The following PDS5B variants were observed in gnomAD, a reference collection of about 807,000 sequenced individuals.
PDS5B encodes sister chromatid cohesion protein PDS5 homolog B.
PDS5B carries 51 observed loss-of-function variants against 184.1 expected under a neutral mutation model. The observed-to-expected ratio is 0.28, with a 90% CI of 0.22 to 0.35. PDS5B has a LOEUF of 0.35. Among genes scored for constraint, PDS5B ranks in the 10% least tolerant of loss-of-function variants. The pLI, the probability that PDS5B is intolerant of heterozygous loss-of-function variation, is 1.00. For synonymous variants in PDS5B, 566 were observed against 569.2 expected (o/e 0.99, Z 0.08); for missense variants, 1,180 against 1,723.3 (o/e 0.68, Z 5.58).
intron 3 of PDS5B, among the ~76,000 whole-genome samples, chr13:32,657,447 A>G (rs968722042): frequency 6.6e-6 from 1 of 152,140 alleles, no homozygotes; most frequent in Non-Finnish European, 1.5e-5. Context: ...CTTTGACCCT[A>G]TCAGTGTCGT....
At chr13:32,722,627 C>A (rs556065703) in intron 19 of PDS5B, among the ~76,000 whole-genome samples, 2 of 152,108 alleles carry the variant, frequency 1.3e-5, no homozygotes, top group Non-Finnish European at 2.9e-5. Context: ...CAGAATGTAT[C>A]CCTATTGTTA....
intron 1 of PDS5B, among the ~76,000 whole-genome samples, chr13:32,606,955 G>A (rs2058069369): frequency 6.6e-6 from 1 of 152,132 alleles, no homozygotes; most frequent in African/African-American, 2.4e-5. Flanking sequence ...ATTCTAGTTA[G>A]CCATTCGTCT....
At position 32,605,280 on chromosome 13, in the gene PDS5B, C is replaced by T. The variant is rs187262614; in HGVS notation, c.-20+18687C>T. On this transcript the variant is annotated intron_variant, in intron 1 of 34. Coordinates refer to ENST00000315596, the MANE Select transcript of PDS5B (RefSeq NM_015032.4). ...TTCTGGTATGTTGTGTCTTTGTTCT[C>T]ATTGGTTTCAGAGAATATCTTTATT... 2.3e-3 allele frequency among the ~76,000 whole-genome samples: 356 copies of T among 152,288 alleles called. 2 individuals are homozygous for T. The highest frequency in any genetic ancestry group is 4.5e-3 in the Non-Finnish European group (304 of 68,018).
chr13:32,596,450 C>G (rs1413913123), intron 1 of PDS5B, among the ~76,000 whole-genome samples: 1 of 152,118 alleles, frequency 6.6e-6, no homozygotes, highest in Non-Finnish European at 1.5e-5. Context: ...CAGTTTTTGA[C>G]TATTATGAAT....
At chr13:32,706,893 T>C in intron 17 of PDS5B, 41 bp from the exon 18 acceptor site, 1 of 1,212,206 alleles carries the variant, frequency 8.2e-7, no homozygotes, top group South Asian at 1.3e-5. Flanking sequence ...TAGACATTGC[T>C]AGTAACATTT....
Position 32,660,474 on chromosome 13 carries a change from C to G in PDS5B, c.624+1194C>G, listed in dbSNP as rs1395308644. 4.2e-4 allele frequency among the ~76,000 whole-genome samples: 5 copies of G among 11,840 alleles called. No individual in the cohort carries two copies. In the East Asian group the frequency reaches 7.4e-3, roughly 17 times the overall value. 7.8% of individuals were successfully genotyped at this position (11,840 alleles called of 152,430 possible). On this transcript the variant is annotated intron_variant, in intron 6 of 34. Transcript: ENST00000315596. ...CCACAGAATGCCCTAGGGAGGAGGA[C>G]TGAATTCCCAGGGGAGACCTGCTAA...
At chr13:32,698,650 A>C (rs1566342962) in intron 15 of PDS5B, among the ~76,000 whole-genome samples, 2 of 152,204 alleles carry the variant, frequency 1.3e-5, no homozygotes, top group African/African-American at 4.8e-5. Flanking sequence ...CCAAGACATA[A>C]AATGGGATTT....
intron 31 of PDS5B, among the ~76,000 whole-genome samples, chr13:32,768,820 A>T (rs899180074): frequency 7.8e-6 from 1 of 129,026 alleles, no homozygotes; most frequent in East Asian, 2.3e-4. Context: ...AAAAAAAAAA[A>T]GCTGGGTGCA....
chr13:32,598,991 C>T (rs545446574), intron 1 of PDS5B, among the ~76,000 whole-genome samples: 5 of 152,124 alleles, frequency 3.3e-5, no homozygotes, highest in African/African-American at 1.2e-4. Context: ...AGGATGGTCT[C>T]GATCTCCTGA....
At chr13:32,654,514 T>C (rs1054535977) in intron 3 of PDS5B, among the ~76,000 whole-genome samples, 25 of 152,212 alleles carry the variant, frequency 1.6e-4, no homozygotes, top group Admixed American at 1.4e-3. Context: ...TAACTTTTTT[T>C]GTTTTAAGTA....
chr13:32,683,137 C>T (rs1223125924), intron 10 of PDS5B, among the ~76,000 whole-genome samples: 4 of 151,958 alleles, frequency 2.6e-5, no homozygotes, highest in Non-Finnish European at 5.9e-5. Flanking sequence ...CTCAGCCTCG[C>T]GAGTAGCTGG....
At chr13:32,702,452 A>G (rs1951889383) in intron 17 of PDS5B, among the ~76,000 whole-genome samples, 1 of 152,214 alleles carries the variant, frequency 6.6e-6, no homozygotes, top group African/African-American at 2.4e-5. Context: ...CTCTTTAGGT[A>G]CTGGCAAAGC....
At chr13:32,730,388 C>T (rs1249311355) in intron 19 of PDS5B, among the ~76,000 whole-genome samples, 2 of 152,120 alleles carry the variant, frequency 1.3e-5, no homozygotes, top group African/African-American at 2.4e-5. Context: ...ATGATATCTC[C>T]AGCTTTGTTC....
chr13:32,678,933 C>CTA lies in PDS5B; in HGVS notation c.1057+12_1057+13dup, dbSNP rs1326483065. The CTA allele has an allele frequency of 5.5e-6, 8 of 1,461,936 alleles. No individual in the cohort carries two copies. Among genetic ancestry groups the CTA allele is most frequent in the Middle Eastern group, 1.7e-4 (1 of 5,810 alleles). The allele number at this position is 1,461,936 out of a possible 1,614,324, so 90.6% of individuals were successfully genotyped here. A position where few individuals can be genotyped will look rare whatever the true frequency, so the allele number is the denominator to read the frequency against. ...GATTTAGCAAAAGACTTAACAGGTA[C>CTA]TATATATATGTAACAGCAAATATTC... is the stretch of plus-strand genomic sequence containing the variant. On this transcript the variant is annotated splice_donor_region_variant and intron_variant, in intron 10 of 34. Transcript: ENST00000315596.
intron 19 of PDS5B, among the ~76,000 whole-genome samples, chr13:32,717,700 A>G (rs1318378864): frequency 1.3e-5 from 2 of 149,518 alleles, no homozygotes; most frequent in Non-Finnish European, 3.0e-5. Context: ...AAAAAAAAAA[A>G]AATAAATAAA....
intron 1 of PDS5B, among the ~76,000 whole-genome samples, chr13:32,597,710 G>A (rs1469419961): frequency 6.6e-6 from 1 of 151,834 alleles, no homozygotes; most frequent in African/African-American, 2.4e-5. Flanking sequence ...AGTTGGGCAT[G>A]GTGGTGTGCA....
chr13:32,635,157 T>G (rs2058521812), intron 1 of PDS5B, among the ~76,000 whole-genome samples: 1 of 127,266 alleles, frequency 7.9e-6, no homozygotes, highest in African/African-American at 2.9e-5. Flanking sequence ...CACCACCATG[T>G]CCAGCCAATT....
intron 1 of PDS5B, among the ~76,000 whole-genome samples, chr13:32,647,135 T>C (rs944923147): frequency 6.6e-6 from 1 of 152,226 alleles, no homozygotes; most frequent in Non-Finnish European, 1.5e-5. Context: ...CTAGTCCTTC[T>C]GGTACTCTCA....
At chr13:32,753,725 A>T (rs1954069541) in intron 25 of PDS5B, among the ~76,000 whole-genome samples, 189 bp downstream of exon 25, 1 of 152,198 alleles carries the variant, frequency 6.6e-6, no homozygotes, top group Admixed American at 6.5e-5. Flanking sequence ...TTAAATATCA[A>T]CCTATATCTG....
Sources: gnomAD v4.1 joint callset for allele counts (sites outside exome capture counted in the v4.1 genomes callset) on GRCh38, gnomAD v4.1.1 for gene constraint, MANE v1.5 for transcripts, NCBI Gene and HGNC (gene_info 2026-07-23, HGNC 2026-07-21) for gene names.